The following RBMS3 variants were observed in gnomAD, a reference collection of about 807,000 sequenced individuals.
RBMS3 encodes the protein RNA-binding motif, single-stranded-interacting protein 3.
A neutral mutation model predicts 66.8 loss-of-function variants in RBMS3; 27 were observed. That is an observed-to-expected ratio of 0.40 (90% CI 0.30 to 0.56). The LOEUF is 0.56. RBMS3 is among the 20% of genes least tolerant of loss of function. RBMS3 has a pLI of 0.40. For synonymous variants in RBMS3, 188 were observed against 183.0 expected, an observed-to-expected ratio of 1.03 and a Z score of -0.22; for missense variants, 513 against 549.5, an observed-to-expected ratio of 0.93 and a Z score of 0.66.
Position 29,874,051 on chromosome 3 carries a change from G to A in RBMS3, c.744+5087G>A, listed in dbSNP as rs936791910. Among the ~76,000 whole-genome samples the A allele has an allele frequency of 7.9e-5, 12 of 152,220 alleles. No individual in the cohort carries two copies. The South Asian group carries it at 1.0e-3, about 13-fold the overall frequency. ...AAGTGAGGGACAGAAGACACACTCCGTAAAATAGCCCCCTTGTCTTTAGTT... is the reference window on the plus strand; with the variant it reads ...AAGTGAGGGACAGAAGACACACTCCATAAAATAGCCCCCTTGTCTTTAGTT... On this transcript the variant is annotated intron_variant, in intron 7 of 14. Transcript: ENST00000383767.
chr3:29,515,675 G>A (rs2044593911), intron 3 of RBMS3, among the ~76,000 whole-genome samples: 1 of 152,178 alleles, frequency 6.6e-6, no homozygotes, highest in Non-Finnish European at 1.5e-5. Context: ...AGAGCAGTAG[G>A]GTGACTCCAT....
intron 1 of RBMS3, among the ~76,000 whole-genome samples, chr3:29,305,315 T>C (rs1266913851): frequency 2.6e-5 from 4 of 151,982 alleles, no homozygotes; most frequent in Non-Finnish European, 4.4e-5. Flanking sequence ...CTTACTTGTT[T>C]GCTAATTGCC....
At chr3:29,797,170 CTATTGTT>C (rs2149436645) in intron 6 of RBMS3, among the ~76,000 whole-genome samples, 1 of 152,336 alleles carries the variant, frequency 6.6e-6, no homozygotes, top group East Asian at 1.9e-4. Flanking sequence ...TATTGAAAAT[CTATTGTT>C]TAGTGTAGCC....
At chr3:29,938,293 A>T (rs1468310584) in intron 11 of RBMS3, among the ~76,000 whole-genome samples, 1 of 152,014 alleles carries the variant, frequency 6.6e-6, no homozygotes, top group Non-Finnish European at 1.5e-5. Flanking sequence ...GTGATAGCCA[A>T]ATGATTCAGT....
chr3:29,411,627 A>G (rs1388541861), intron 1 of RBMS3, among the ~76,000 whole-genome samples: 2 of 152,218 alleles, frequency 1.3e-5, no homozygotes, highest in Non-Finnish European at 2.9e-5. Flanking sequence ...TGAAACTTTT[A>G]TGCCCAACGG....
chr3:29,390,194 A>G (rs1340586952), intron 1 of RBMS3, among the ~76,000 whole-genome samples: 1 of 152,198 alleles, frequency 6.6e-6, no homozygotes, highest in Admixed American at 6.5e-5. Flanking sequence ...AACTCTTTTG[A>G]AAATTGAAGA....
intron 6 of RBMS3, among the ~76,000 whole-genome samples, chr3:29,867,998 A>T (rs747415335): frequency 4.6e-5 from 7 of 152,032 alleles, no homozygotes; most frequent in Non-Finnish European, 1.0e-4. Flanking sequence ...CATTCATTTA[A>T]AAATATATTT....
Position 29,580,829 on chromosome 3 carries a change from A to T in RBMS3, c.308-6285A>T, listed in dbSNP as rs146416263. ...AAATTTCAGAATGCTTAGGCAATTA[A>T]ACTGGAATATGAGGGGACTCCAGTG... On this transcript the variant is annotated intron_variant, in intron 3 of 14. Transcript: ENST00000383767. 7.8e-3 allele frequency among the ~76,000 whole-genome samples: 1,191 copies of T among 152,236 alleles called. 14 individuals carry two copies. The highest frequency in any genetic ancestry group is 0.028 in the African/African-American group (1,153 of 41,540).
intron 6 of RBMS3, among the ~76,000 whole-genome samples, chr3:29,839,866 C>A (rs1559726443): frequency 4.0e-5 from 6 of 151,680 alleles, no homozygotes; most frequent in African/African-American, 1.5e-4. Flanking sequence ...ACACGAAATA[C>A]AAAAAAATTG....
At chr3:29,975,793 G>T (rs1225184938) in intron 12 of RBMS3, among the ~76,000 whole-genome samples, 2 of 151,438 alleles carry the variant, frequency 1.3e-5, no homozygotes, top group Non-Finnish European at 3.0e-5. Context: ...TTGATTTTTT[G>T]CCTGCAGAAA....
At chr3:29,311,338 C>T (rs1027437023) in intron 1 of RBMS3, among the ~76,000 whole-genome samples, 21 of 151,660 alleles carry the variant, frequency 1.4e-4, no homozygotes, top group African/African-American at 4.4e-4. Flanking sequence ...AATCTAATAA[C>T]GGTTTCTGTA....
intron 4 of RBMS3, among the ~76,000 whole-genome samples, chr3:29,729,005 T>C (rs1362781819): frequency 6.6e-6 from 1 of 152,156 alleles, no homozygotes; most frequent in Non-Finnish European, 1.5e-5. Context: ...TTATTATACT[T>C]TAAGTTCTAG....
At chr3:29,898,047 T>C (rs2060168478) in intron 9 of RBMS3, among the ~76,000 whole-genome samples, 1 of 151,682 alleles carries the variant, frequency 6.6e-6, no homozygotes, top group Non-Finnish European at 1.5e-5. Flanking sequence ...CATGTTGGAA[T>C]GCTGGAAAGT....
intron 8 of RBMS3, among the ~76,000 whole-genome samples, chr3:29,886,828 G>A (rs9821576): frequency 0.26 from 39,979 of 151,446 alleles, 5,412 homozygotes; most frequent in Admixed American, 0.3. Flanking sequence ...ATAGAAGTGT[G>A]AGAGTTTGTT....
intron 6 of RBMS3, among the ~76,000 whole-genome samples, chr3:29,794,307 C>T (rs7650407): frequency 0.31 from 46,796 of 152,020 alleles, 7,923 homozygotes; most frequent in African/African-American, 0.45. Context: ...CACATGATGG[C>T]GGGGCACGGT....
intron 10 of RBMS3, among the ~76,000 whole-genome samples, chr3:29,923,082 G>A (rs1242678073): frequency 6.6e-6 from 1 of 152,186 alleles, no homozygotes; most frequent in African/African-American, 2.4e-5. Context: ...TGACCTGTGA[G>A]GGTTTCAAAT....
intron 6 of RBMS3, among the ~76,000 whole-genome samples, chr3:29,792,015 A>G (rs1471931634): frequency 6.6e-6 from 1 of 152,154 alleles, no homozygotes; most frequent in African/African-American, 2.4e-5. Flanking sequence ...GTAGTTTATC[A>G]CATGTTTTTA....
At chr3:29,708,616 C>T (rs1416538103) in intron 4 of RBMS3, among the ~76,000 whole-genome samples, 1 of 152,124 alleles carries the variant, frequency 6.6e-6, no homozygotes, top group African/African-American at 2.4e-5. Context: ...GGAGAAGTCA[C>T]CAGTGATTGG....
intron 1 of RBMS3, among the ~76,000 whole-genome samples, chr3:29,393,346 A>G (rs1321428312): frequency 2.0e-5 from 3 of 152,214 alleles, no homozygotes; most frequent in Admixed American, 1.3e-4. Flanking sequence ...GAGGCTTTTG[A>G]AATTTTTATA....
Sources: gnomAD v4.1 joint callset for allele counts (sites outside exome capture counted in the v4.1 genomes callset) on GRCh38, gnomAD v4.1.1 for gene constraint, MANE v1.5 for transcripts, NCBI Gene and HGNC (gene_info 2026-07-23, HGNC 2026-07-21) for gene names.